IQGAP3: variants seen among roughly 807,000 people sequenced by gnomAD.
IQGAP3 encodes IQ motif containing GTPase activating protein 3.
A neutral mutation model predicts 208.2 loss-of-function variants in IQGAP3; 165 were observed. The observed-to-expected ratio is 0.79, with a 90% confidence interval of 0.70 to 0.90. The LOEUF (loss-of-function observed/expected upper bound fraction) is 0.90. Among genes scored for constraint, IQGAP3 ranks in the 40% least tolerant of loss-of-function variants. The pLI is 0.00. For missense variants in IQGAP3, 1,811 were observed against 2,043.1 expected (o/e 0.89, Z 2.19); for synonymous variants, 703 against 803.6 (o/e 0.87, Z 2.12).
At chr1:156,557,262 C>A (rs1411550377) in intron 11 of IQGAP3, among the ~76,000 whole-genome samples, 9 of 5,512 alleles carry the variant, frequency 1.6e-3, no homozygotes, top group Admixed American at 5.2e-3. Flanking sequence ...CCCCTCTGCC[C>A]GGCCAGCCGC....
intron 19 of IQGAP3, among the ~76,000 whole-genome samples, chr1:156,545,112 T>C (rs1675171892): frequency 6.6e-6 from 1 of 152,204 alleles, no homozygotes; most frequent in Admixed American, 6.5e-5. Flanking sequence ...AGGTCCCCAG[T>C]AACTCAGCTG....
Position 156,538,843 on chromosome 1 carries a change from T to C in IQGAP3, c.3247A>G (p.Ile1083Val), listed in dbSNP as rs1249074829. Residue 1083 changes from isoleucine to valine, a missense_variant, in exon 26 of 38, where the codon ATC (isoleucine) becomes GTC (valine). Ile to Val is a conservative substitution (Grantham distance 29, BLOSUM62 3). Transcript: ENST00000361170. ...TDPVHLYKNW[I>V]NQTEAQTGQR... Reference sequence around the variant, plus strand: ...CCTGTCTGGGCCTCAGTCTGGTTGATCCAGTTCTTATAGAGGTGGACAGGG... The same window carrying C: ...CCTGTCTGGGCCTCAGTCTGGTTGACCCAGTTCTTATAGAGGTGGACAGGG... The C allele has an allele frequency of 1.2e-6, 2 of 1,614,044 alleles. No homozygotes were observed. The highest frequency in any genetic ancestry group is 1.3e-5 in the African/African-American group (1 of 74,918).
intron 2 of IQGAP3, 98 bp downstream of exon 2, chr1:156,569,278 G>T (rs1300085760): frequency 1.4e-6 from 1 of 730,138 alleles, no homozygotes; most frequent in East Asian, 2.7e-5. Context: ...CCACAGGATG[G>T]ACTCTCGATC....
chr1:156,527,512 C>T (rs957313994), intron 37 of IQGAP3, among the ~76,000 whole-genome samples: 2 of 152,080 alleles, frequency 1.3e-5, no homozygotes, highest in African/African-American at 2.4e-5. Flanking sequence ...AAAAAAGCAA[C>T]AACAACAACC....
intron 28 of IQGAP3, 44 bp downstream of exon 28, chr1:156,535,119 G>T (rs775116262): frequency 1.4e-6 from 2 of 1,405,484 alleles, no homozygotes; most frequent in East Asian, 2.3e-5. Flanking sequence ...TACCAGCAAA[G>T]CAAAGGAGGG....
At chr1:156,544,084 G>T (rs1557929090) in intron 21 of IQGAP3, 34 bp from the exon 22 acceptor site, 1 of 1,613,158 alleles carries the variant, frequency 6.2e-7, no homozygotes, top group East Asian at 2.2e-5. Context: ...AGGGTTGCTG[G>T]CTGTCCTTGC....
chr1:156,534,127 C>A lies in IQGAP3; in HGVS notation c.3755G>T (p.Arg1252Ile). 1 of 1,613,806 alleles carries A rather than the reference C, an allele frequency of 6.2e-7. No homozygotes were observed. Among genetic ancestry groups the A allele is most frequent in the East Asian group, 2.2e-5 (1 of 44,866 alleles). ...CTCTGGCTCTGGCACCTGGCAGGCT[C>A]TATGGATGAACTTCCTGTCCAGAGG... ...THLKFRKFIH[R>I]ACQVPEPEER... Residue 1252 changes from arginine (R) to isoleucine (I), a missense_variant, in exon 30 of 38, where the codon AGA becomes ATA. Transcript: ENST00000361170.
intron 19 of IQGAP3, among the ~76,000 whole-genome samples, chr1:156,545,002 C>T (rs894694124): frequency 2.6e-5 from 4 of 152,084 alleles, no homozygotes; most frequent in Non-Finnish European, 2.9e-5. Context: ...TCTCTGCCCG[C>T]GGCCACCTGG....
chr1:156,533,941 A>G, intron 30 of IQGAP3, 66 bp from the exon 31 acceptor site: 2 of 1,607,066 alleles, frequency 1.2e-6, no homozygotes, highest in Non-Finnish European at 1.7e-6. Flanking sequence ...GGGCCAGCCC[A>G]CTACCCCATC....
At chr1:156,561,048 A>C in intron 10 of IQGAP3, 27 bp from the exon 11 acceptor site, 1 of 1,540,058 alleles carries the variant, frequency 6.5e-7, no homozygotes, top group South Asian at 1.1e-5. Flanking sequence ...ATACAGTAGA[A>C]TGGAGTCCTT....
chr1:156,555,966 T>C (rs900359389), intron 12 of IQGAP3, among the ~76,000 whole-genome samples: 4 of 151,936 alleles, frequency 2.6e-5, no homozygotes, highest in African/African-American at 4.8e-5. Flanking sequence ...GTGGGTGTAG[T>C]TCTCTATTGA....
chr1:156,535,190 A>G lies in IQGAP3; in HGVS notation c.3480T>C (p.Pro1160=). 1.9e-6 allele frequency: 3 copies of G among 1,613,586 alleles called. No homozygotes were observed. Among genetic ancestry groups the G allele is most frequent in the Non-Finnish European group, 2.5e-6 (3 of 1,179,672 alleles). ...VLKATLAEKF[P]DATDSEVYKV... ...TATAGACCTCGCTGTCTGTGGCGTCAGGGAATTTCTCTGCCAGAGTTGCCT... is the reference window on the plus strand; with the variant it reads ...TATAGACCTCGCTGTCTGTGGCGTCGGGGAATTTCTCTGCCAGAGTTGCCT... Residue 1160 remains proline, a synonymous_variant, in exon 28 of 38, where the codon CCT becomes CCC. Transcript: ENST00000361170.
At position 156,528,569 on chromosome 1, in the gene IQGAP3, G is replaced by A; in HGVS notation, c.4613C>T (p.Thr1538Ile). The change falls in exon 36 of 38, where the codon ACT becomes ATT. Residue 1538 changes from threonine (T) to isoleucine (I), a missense_variant. By Grantham distance (89) the Thr-to-Ile change is moderately conservative (BLOSUM62 -1). Coordinates refer to ENST00000361170, the MANE Select transcript of IQGAP3 (RefSeq NM_178229.5). ...ACCCTTTTCCAGGAGCTGAGCAGCA[G>A]TGTAATGAAGAGAAGGCTGCTTCTT... ...KGKKQPSLHY[T>I]AAQLLEKGVL... The A allele has an allele frequency of 6.2e-7, 1 of 1,614,018 alleles. No individual in the cohort carries two copies. The highest frequency in any genetic ancestry group is 8.5e-7 in the Non-Finnish European group (1 of 1,179,936).
At position 156,527,123 on chromosome 1, in the gene IQGAP3, A is replaced by G. The variant is rs145730167; in HGVS notation, c.4783-524T>C. On this transcript the variant is annotated intron_variant, in intron 37 of 37. Coordinates refer to ENST00000361170, the MANE Select transcript of IQGAP3 (RefSeq NM_178229.5). ...TGGGATTACAGGCGTGAGCCACTGC[A>G]CCCGGCCAAAATCATTTTTCTTACT... is the stretch of plus-strand genomic sequence containing the variant. Among the ~76,000 whole-genome samples, 1,120 of 150,930 alleles carry G rather than the reference A, an allele frequency of 7.4e-3. 18 individuals carry two copies. Among genetic ancestry groups the G allele is most frequent in the African/African-American group, 0.025 (1,023 of 41,114 alleles).
chr1:156,530,894 C>A (rs903967814), intron 33 of IQGAP3, among the ~76,000 whole-genome samples: 1 of 152,196 alleles, frequency 6.6e-6, no homozygotes, highest in East Asian at 1.9e-4. Flanking sequence ...TCTCTCAGTG[C>A]CCCCCATAGC....
chr1:156,563,127 T>C lies in IQGAP3; in HGVS notation c.798+7A>G. The C allele has an allele frequency of 6.3e-7, 1 of 1,580,148 alleles. No individual in the cohort carries two copies. ...TTCGGTCCCTGCAACCCAAGACTAC[T>C]CCTTACATGGTTCCTGGCATTGGCT... is the stretch of plus-strand genomic sequence containing the variant. On this transcript the variant is annotated splice_region_variant and intron_variant, in intron 8 of 37. Coordinates refer to ENST00000361170, the MANE Select transcript of IQGAP3 (RefSeq NM_178229.5).
At position 156,564,663 on chromosome 1, in the gene IQGAP3, T is replaced by C. The variant is rs951778510; in HGVS notation, c.389A>G (p.Tyr130Cys). 6.2e-7 allele frequency: 1 copy of C among 1,613,798 alleles called. No individual in the cohort carries two copies. Among genetic ancestry groups the C allele is most frequent in the African/African-American group, 1.3e-5 (1 of 74,906 alleles). ...STFFPETTDI[Y>C]DKKNMPRVVY... ...TACCCGGGGCATGTTCTTTTTGTCA[T>C]AGATGTCCGTGGTCTCTGGGAAGAA... Residue 130 changes from tyrosine (Y) to cysteine (C), a missense_variant, in exon 5 of 38, where the codon TAT becomes TGT. By Grantham distance (194) the Tyr-to-Cys change is radical. Coordinates refer to ENST00000361170, the MANE Select transcript of IQGAP3 (RefSeq NM_178229.5).
intron 37 of IQGAP3, among the ~76,000 whole-genome samples, chr1:156,527,115 G>A (rs1246977312): frequency 6.6e-6 from 1 of 151,802 alleles, no homozygotes; most frequent in Non-Finnish European, 1.5e-5. Context: ...ACAGGCGTGA[G>A]CCACTGCACC....
At chr1:156,540,679 G>T (rs376093584) in intron 23 of IQGAP3, 29 bp downstream of exon 23, 2 of 1,582,472 alleles carry the variant, frequency 1.3e-6, no homozygotes, top group South Asian at 1.1e-5. Flanking sequence ...GGCAGATCTC[G>T]GGGAGGGGAG....
Sources: gnomAD v4.1 joint callset for allele counts (sites outside exome capture counted in the v4.1 genomes callset) on GRCh38, gnomAD v4.1.1 for gene constraint, MANE v1.5 for transcripts, NCBI Gene and HGNC (gene_info 2026-07-23, HGNC 2026-07-21) for gene names.